Variants in CAMK1G observed in about 807,000 individuals in gnomAD.
CAMK1G encodes the protein calcium/calmodulin-dependent protein kinase type 1G.
CAMK1G carries 27 observed loss-of-function variants against 54.8 expected under a neutral mutation model. The ratio of observed to expected loss-of-function variants is 0.49; its 90% confidence interval spans 0.36 to 0.68. The LOEUF is 0.68. Among genes scored for constraint, CAMK1G ranks in the 30% least tolerant of loss-of-function variants. CAMK1G has a pLI of 0.00. For missense variants in CAMK1G, 512 were observed against 591.0 expected, an observed-to-expected ratio of 0.87 and a Z score of 1.39; for synonymous variants, 238 against 224.9, an observed-to-expected ratio of 1.06 and a Z score of -0.52.
chr1:209,612,638 T>C (rs537133744), intron 11 of CAMK1G, 147 bp from the exon 12 acceptor site: 29 of 642,706 alleles, frequency 4.5e-5, no homozygotes, highest in Admixed American at 8.2e-5. Context: ...TATCTTTATC[T>C]TTTCTGCAGG....
At chr1:209,594,059 T>G (rs975719681) in intron 1 of CAMK1G, among the ~76,000 whole-genome samples, 1 of 152,184 alleles carries the variant, frequency 6.6e-6, no homozygotes, top group Non-Finnish European at 1.5e-5. Flanking sequence ...CAGAAGCTCC[T>G]TCACATGCTC....
intron 4 of CAMK1G, among the ~76,000 whole-genome samples, chr1:209,605,242 G>T (rs1185592536): frequency 6.6e-6 from 1 of 152,176 alleles, no homozygotes; most frequent in African/African-American, 2.4e-5. Flanking sequence ...TCCACACTAA[G>T]GGATTATTGG....
At chr1:209,594,497 C>T (rs981492535) in intron 1 of CAMK1G, among the ~76,000 whole-genome samples, 2 of 152,212 alleles carry the variant, frequency 1.3e-5, no homozygotes, top group African/African-American at 2.4e-5. Flanking sequence ...GCACAATACT[C>T]ATTCATTTAA....
At chr1:209,601,707 T>A (rs1470289263) in intron 3 of CAMK1G, among the ~76,000 whole-genome samples, 1 of 152,226 alleles carries the variant, frequency 6.6e-6, no homozygotes, top group Non-Finnish European at 1.5e-5. Flanking sequence ...TATAGTTGAA[T>A]TCATCAAGAG....
intron 8 of CAMK1G, 34 bp from the exon 9 acceptor site, chr1:209,609,817 C>A: frequency 6.2e-7 from 1 of 1,609,428 alleles, no homozygotes; most frequent in South Asian, 1.1e-5. Context: ...GAAATCTGGT[C>A]CTTAGTCGTC....
In CAMK1G at chr1:209,606,461, AG is replaced by A; in HGVS notation, c.559+20del. The stretch of plus-strand genomic sequence containing the variant: ...CTACGTGGGTAAGTCTGGGAGCAGG[AG>A]GAAGGTTGACCAGTTGGCTACATTC... On this transcript the variant is annotated intron_variant, in intron 6 of 12. Coordinates refer to ENST00000361322, the MANE Select transcript of CAMK1G (RefSeq NM_020439.3). 1 of 1,611,862 alleles carries A rather than the reference AG, an allele frequency of 6.2e-7. No individual in the cohort carries two copies. The highest frequency in any genetic ancestry group is 8.5e-7 in the Non-Finnish European group (1 of 1,178,806).
intron 2 of CAMK1G, among the ~76,000 whole-genome samples, chr1:209,598,828 G>A (rs1047556425): frequency 6.6e-6 from 1 of 152,136 alleles, no homozygotes; most frequent in Non-Finnish European, 1.5e-5. Flanking sequence ...ATAACGCCAG[G>A]CTTGGTGGCT....
At chr1:209,597,434 G>T (rs1665416991) in intron 2 of CAMK1G, among the ~76,000 whole-genome samples, 1 of 152,202 alleles carries the variant, frequency 6.6e-6, no homozygotes, top group South Asian at 2.1e-4. Flanking sequence ...CTGACACAGA[G>T]AGGTTCCATC....
intron 1 of CAMK1G, among the ~76,000 whole-genome samples, chr1:209,584,749 C>T (rs765293530): frequency 6.6e-6 from 1 of 152,084 alleles, no homozygotes; most frequent in East Asian, 1.9e-4. Context: ...AAGCAGATTC[C>T]GCCTTAGGTA....
intron 1 of CAMK1G, among the ~76,000 whole-genome samples, chr1:209,586,602 A>G (rs1383878206): frequency 3.9e-5 from 6 of 152,072 alleles, no homozygotes; most frequent in Non-Finnish European, 8.8e-5. Context: ...TCCAGTGCTT[A>G]GTGTTTAATT....
chr1:209,599,162 C>G (rs1462454450), intron 2 of CAMK1G, among the ~76,000 whole-genome samples: 1 of 152,138 alleles, frequency 6.6e-6, no homozygotes, highest in Non-Finnish European at 1.5e-5. Flanking sequence ...CACTCACTAT[C>G]CTGAGAACAT....
intron 2 of CAMK1G, 113 bp from the exon 3 acceptor site, chr1:209,599,870 T>G (rs1665484463): frequency 7.8e-7 from 1 of 1,287,080 alleles, no homozygotes; most frequent in Non-Finnish European, 1.1e-6. Context: ...AGTATATGCC[T>G]TTGTGGTCAG....
At chr1:209,596,748 C>T (rs1323799217) in intron 2 of CAMK1G, among the ~76,000 whole-genome samples, 1 of 151,872 alleles carries the variant, frequency 6.6e-6, no homozygotes, top group Non-Finnish European at 1.5e-5. Flanking sequence ...AACATGATGA[C>T]ATGTCACCTC....
chr1:209,611,750 T>C (rs1389269629), intron 10 of CAMK1G, 42 bp from the exon 11 acceptor site: 2 of 1,599,360 alleles, frequency 1.3e-6, no homozygotes, highest in Admixed American at 1.7e-5. Flanking sequence ...CAAGGCCCTC[T>C]GAGGTTGCAG....
intron 11 of CAMK1G, 85 bp downstream of exon 11, chr1:209,612,301 C>A: frequency 7.0e-7 from 1 of 1,426,572 alleles, no homozygotes; most frequent in African/African-American, 1.4e-5. Flanking sequence ...GACACAAAGG[C>A]CTCTCCCACT....
chr1:209,593,428 C>A (rs1181459069), intron 1 of CAMK1G, among the ~76,000 whole-genome samples: 2 of 152,298 alleles, frequency 1.3e-5, no homozygotes, highest in Middle Eastern at 3.4e-3. Flanking sequence ...GTGTCTCACT[C>A]ATCACTCCTG....
At chr1:209,600,206 C>T in intron 3 of CAMK1G, 95 bp downstream of exon 3, 1 of 1,430,478 alleles carries the variant, frequency 7.0e-7, no homozygotes. Context: ...ATTTCTGCAC[C>T]CAAAGGCATT....
intron 1 of CAMK1G, among the ~76,000 whole-genome samples, chr1:209,589,848 T>C (rs1469365908): frequency 6.6e-6 from 1 of 152,206 alleles, no homozygotes; most frequent in South Asian, 2.1e-4. Context: ...AATAAATGAA[T>C]GTTGAATGAA....
intron 1 of CAMK1G, among the ~76,000 whole-genome samples, chr1:209,587,314 T>C (rs1316880321): frequency 6.6e-6 from 1 of 151,990 alleles, no homozygotes; most frequent in Non-Finnish European, 1.5e-5. Flanking sequence ...CCCTGCAAAA[T>C]ATGAAGAATT....
Sources: allele counts gnomAD v4.1 joint callset (sites outside exome capture counted in the v4.1 genomes callset), GRCh38; gene constraint gnomAD v4.1.1; transcripts MANE v1.5; gene names NCBI Gene and HGNC (gene_info 2026-07-23, HGNC 2026-07-21).